MDGA2: variants seen among roughly 807,000 people sequenced by gnomAD.
The protein encoded by MDGA2 is MAM domain containing glycosylphosphatidylinositol anchor 2.
MDGA2 carries 40 observed loss-of-function variants against 117.8 expected under a neutral mutation model. The observed-to-expected ratio is 0.34, with a 90% CI of 0.26 to 0.44. The LOEUF is 0.44. MDGA2 is among the 20% of genes least tolerant of loss of function. The pLI is 1.00. For synonymous variants in MDGA2, 452 were observed against 439.0 expected (o/e 1.03, Z -0.37); for missense variants, 1,123 against 1,250.6 (o/e 0.90, Z 1.54).
Position 47,218,026 on chromosome 14 carries a change from A to G in MDGA2, c.590T>C (p.Val197Ala), listed in dbSNP as rs79662571. ...SPAIKSIRVDVYYLDDPVVTV... is the reference protein window; with the variant it reads ...SPAIKSIRVDAYYLDDPVVTV... The stretch of plus-strand genomic sequence containing the variant: ...TTTCTGGAAAATTTACTTACAGTAT[A>G]CATCCACTCTGATTGACTTTATCGC... Residue 197 changes from valine (V) to alanine (A), a missense_variant, in exon 3 of 17, where the codon GTA (valine) becomes GCA (alanine). By Grantham distance (64) the Val-to-Ala change is moderately conservative. This residue lies in a region of MDGA2 where 890 missense variants were observed against 1,050.3 expected (regional missense o/e 0.85). Transcript: ENST00000399232. The G allele has an allele frequency of 1.3e-6, 2 of 1,545,984 alleles. No individual in the cohort carries two copies. The highest frequency in any genetic ancestry group is 4.0e-5 in the Admixed American group (2 of 50,254).
intron 1 of MDGA2, among the ~76,000 whole-genome samples, chr14:47,456,689 C>T (rs952890251): frequency 1.3e-5 from 2 of 151,862 alleles, no homozygotes; most frequent in South Asian, 2.1e-4. Context: ...TTAGAATGCC[C>T]GTTTGTGAGA....
intron 2 of MDGA2, among the ~76,000 whole-genome samples, chr14:47,235,195 C>A (rs1436992459): frequency 6.6e-6 from 1 of 152,172 alleles, no homozygotes; most frequent in Non-Finnish European, 1.5e-5. Context: ...TTTTGCATAT[C>A]ACAACCTATG....
At chr14:47,172,208 T>G (rs565079657) in intron 3 of MDGA2, among the ~76,000 whole-genome samples, 2 of 152,252 alleles carry the variant, frequency 1.3e-5, no homozygotes, top group Non-Finnish European at 2.9e-5. Context: ...AGGCCCCGCC[T>G]CTGGGGGCAG....
intron 2 of MDGA2, among the ~76,000 whole-genome samples, chr14:47,221,393 A>C (rs1391116228): frequency 6.6e-6 from 1 of 152,192 alleles, no homozygotes; most frequent in Non-Finnish European, 1.5e-5. Context: ...TGGAAGGAAA[A>C]ATGAGATAAA....
chr14:47,100,330 A>C (rs1880231078), intron 5 of MDGA2, among the ~76,000 whole-genome samples: 3 of 151,992 alleles, frequency 2.0e-5, no homozygotes, highest in African/African-American at 7.2e-5. Flanking sequence ...TATCCATTAC[A>C]AGCTTCTTCT....
intron 1 of MDGA2, among the ~76,000 whole-genome samples, chr14:47,548,124 G>A (rs756404599): frequency 4.6e-5 from 7 of 152,090 alleles, no homozygotes; most frequent in Non-Finnish European, 8.8e-5. Context: ...CATGTGTAGA[G>A]TAACTTTTAC....
chr14:47,173,388 G>T (rs1884272011), intron 3 of MDGA2, among the ~76,000 whole-genome samples: 1 of 152,108 alleles, frequency 6.6e-6, no homozygotes, highest in African/African-American at 2.4e-5. Flanking sequence ...AATATTAAGG[G>T]CAGCCAGAGA....
chr14:47,521,172 C>T (rs931274427), intron 1 of MDGA2, among the ~76,000 whole-genome samples: 1 of 152,170 alleles, frequency 6.6e-6, no homozygotes, highest in Non-Finnish European at 1.5e-5. Flanking sequence ...CCTTCCAGAG[C>T]ATCTTAGTCA....
rs1368617678 is a variant in MDGA2 at position 47,072,436 on chromosome 14, G to A, written c.1196-10858C>T. On this transcript the variant is annotated intron_variant, in intron 6 of 16. Coordinates refer to ENST00000399232, the MANE Select transcript of MDGA2 (RefSeq NM_001113498.3). ...TTAAGACACATCTAAGAGAAACAATGACTATTATGTTGGAGGAGTTGATCT... is the reference window on the plus strand; with the variant it reads ...TTAAGACACATCTAAGAGAAACAATAACTATTATGTTGGAGGAGTTGATCT... Among the ~76,000 whole-genome samples the A allele has an allele frequency of 3.3e-5, 5 of 152,190 alleles. No homozygotes were observed. The South Asian group carries it at 6.2e-4, about 19-fold the overall frequency.
chr14:47,509,810 T>C (rs1384408107), intron 1 of MDGA2, among the ~76,000 whole-genome samples: 1 of 152,238 alleles, frequency 6.6e-6, no homozygotes, highest in African/African-American at 2.4e-5. Flanking sequence ...TTTGGAAACA[T>C]AACATGTTTA....
chr14:47,081,821 C>G (rs535864914), intron 6 of MDGA2, among the ~76,000 whole-genome samples: 26 of 152,072 alleles, frequency 1.7e-4, no homozygotes, highest in Non-Finnish European at 3.5e-4. Flanking sequence ...TCATCATTTT[C>G]TGATGGAACC....
chr14:47,118,987 C>T (rs1445021325), intron 5 of MDGA2, among the ~76,000 whole-genome samples: 1 of 152,140 alleles, frequency 6.6e-6, no homozygotes, highest in Non-Finnish European at 1.5e-5. Flanking sequence ...ATCCTCCTGC[C>T]TCTGCCTCCC....
chr14:47,535,730 C>T (rs1895197518), intron 1 of MDGA2, among the ~76,000 whole-genome samples: 1 of 152,168 alleles, frequency 6.6e-6, no homozygotes, highest in South Asian at 2.1e-4. Context: ...AATTTTTCAT[C>T]TTCTTTAACT....
At chr14:47,628,655 C>G (rs1236482834) in intron 1 of MDGA2, among the ~76,000 whole-genome samples, 1 of 152,150 alleles carries the variant, frequency 6.6e-6, no homozygotes, top group Non-Finnish European at 1.5e-5. Flanking sequence ...TTTTGAGTAT[C>G]AAGATATACT....
intron 1 of MDGA2, among the ~76,000 whole-genome samples, chr14:47,664,979 T>C (rs1177689475): frequency 6.6e-6 from 1 of 152,190 alleles, no homozygotes; most frequent in Non-Finnish European, 1.5e-5. Flanking sequence ...AGTTCCAGAG[T>C]ATCATACAAT....
At chr14:47,073,466 AAC>A (rs1379592943) in intron 6 of MDGA2, among the ~76,000 whole-genome samples, 2 of 152,332 alleles carry the variant, frequency 1.3e-5, no homozygotes, top group Non-Finnish European at 2.9e-5. Context: ...TGCTAGTTCC[AAC>A]ACAGAATATC....
At chr14:47,027,007 T>TA (rs1358039092) in intron 8 of MDGA2, among the ~76,000 whole-genome samples, 17 of 151,192 alleles carry the variant, frequency 1.1e-4, no homozygotes, top group Non-Finnish European at 1.3e-4. Flanking sequence ...CTCTGTCTCT[T>TA]AAAAAAAATG....
intron 10 of MDGA2, among the ~76,000 whole-genome samples, chr14:46,918,522 A>G (rs1269214057): frequency 1.3e-5 from 2 of 152,172 alleles, no homozygotes; most frequent in African/African-American, 4.8e-5. Flanking sequence ...GAATGGGTAG[A>G]ACGATGTTAA....
chr14:47,464,959 G>A (rs1044220349), intron 1 of MDGA2, among the ~76,000 whole-genome samples: 2 of 152,006 alleles, frequency 1.3e-5, no homozygotes, highest in Non-Finnish European at 2.9e-5. Context: ...CTATACTAAA[G>A]GGCCACAGTA....
Sources: gnomAD v4.1 joint callset for allele counts (sites outside exome capture counted in the v4.1 genomes callset) on GRCh38, gnomAD v4.1.1 for gene constraint, gnomAD v4.1.1 regional missense constraint, MANE v1.5 for transcripts, NCBI Gene and HGNC (gene_info 2026-07-23, HGNC 2026-07-21) for gene names.